The following CEP112 variants were observed in gnomAD, a reference collection of about 807,000 sequenced individuals.
The protein encoded by CEP112 is centrosomal protein of 112 kDa.
In CEP112, 127 loss-of-function variants were observed where a neutral mutation model predicts 153.0. The observed-to-expected ratio is 0.83, with a 90% CI of 0.72 to 0.96. The LOEUF is 0.96. CEP112 is among the 40% of genes least tolerant of loss of function. The pLI is 0.00. For missense variants in CEP112, 1,089 were observed against 1,101.2 expected (o/e 0.99, Z 0.16); for synonymous variants, 358 against 374.4 (o/e 0.96, Z 0.51).
intron 18 of CEP112, among the ~76,000 whole-genome samples, chr17:65,949,791 A>G (rs2061761054): frequency 1.3e-5 from 2 of 152,184 alleles, no homozygotes; most frequent in Admixed American, 6.5e-5. Context: ...ATTCCTGGCT[A>G]TCCTTATCTG....
rs1178890183 is a variant in CEP112 at position 66,129,747 on chromosome 17, C to T, written c.641G>A (p.Gly214Glu). 4 of 1,604,016 alleles carry T rather than the reference C, an allele frequency of 2.5e-6. No homozygotes were observed. The highest frequency in any genetic ancestry group is 3.4e-6 in the Non-Finnish European group (4 of 1,174,454). ...IEARLNSWNLGIENPRYLRQK... is the reference protein window; with the variant it reads ...IEARLNSWNLEIENPRYLRQK... ...CATAAAGCAAATACTTTTTTTTACCCCAAGATTCCAACTATTAAGGCGAGC... is the reference window on the plus strand; with the variant it reads ...CATAAAGCAAATACTTTTTTTTACCTCAAGATTCCAACTATTAAGGCGAGC... Residue 214 changes from glycine to glutamate, a missense_variant and splice_region_variant, in exon 6 of 27, where the codon GGG (glycine) becomes GAG (glutamate). Transcript: ENST00000535342.
At chr17:65,730,526 A>C (rs1201606674) in intron 23 of CEP112, among the ~76,000 whole-genome samples, 1 of 152,218 alleles carries the variant, frequency 6.6e-6, no homozygotes, top group Admixed American at 6.5e-5. Flanking sequence ...TCAGGAGGGC[A>C]CAAAGAAAAT....
In CEP112 at chr17:65,961,777, A is replaced by G. The variant is rs555226584; in HGVS notation, c.1737-179T>C. On this transcript the variant is annotated intron_variant, in intron 17 of 26. Coordinates refer to ENST00000535342, the MANE Select transcript of CEP112 (RefSeq NM_001199165.4). Reference sequence around the variant, plus strand: ...TAATTTGTCTCAAGAGAAAAAGGGTATAAACATATATTGTGTATTCTGATG... The same window carrying G: ...TAATTTGTCTCAAGAGAAAAAGGGTGTAAACATATATTGTGTATTCTGATG... Among the ~76,000 whole-genome samples the G allele has an allele frequency of 2.5e-4, 38 of 152,364 alleles. No homozygotes were observed. In the South Asian group the frequency reaches 7.5e-3, roughly 30 times the overall value.
intron 6 of CEP112, among the ~76,000 whole-genome samples, chr17:66,100,854 A>G (rs968857853): frequency 1.3e-5 from 2 of 152,160 alleles, no homozygotes; most frequent in Non-Finnish European, 2.9e-5. Flanking sequence ...AACTATTTCC[A>G]TATCATTTAT....
intron 20 of CEP112, among the ~76,000 whole-genome samples, chr17:65,881,372 C>T (rs780481831): frequency 2.6e-5 from 4 of 151,822 alleles, no homozygotes; most frequent in East Asian, 3.9e-4. Context: ...AAGTTTTACA[C>T]ATTAACTTCA....
intron 4 of CEP112, among the ~76,000 whole-genome samples, chr17:66,152,239 AG>A (rs1276220949): frequency 6.6e-6 from 1 of 152,164 alleles, no homozygotes; most frequent in Non-Finnish European, 1.5e-5. Context: ...GGGGCTCAAG[AG>A]GAAGTAAGAA....
chr17:66,063,502 G>T (rs1022701801), intron 10 of CEP112, among the ~76,000 whole-genome samples: 1 of 151,948 alleles, frequency 6.6e-6, no homozygotes, highest in African/African-American at 2.4e-5. Flanking sequence ...GAGAAGCAGG[G>T]GGTGGAAAAG....
chr17:65,796,842 T>G (rs1598610945), intron 21 of CEP112, among the ~76,000 whole-genome samples: 1 of 127,516 alleles, frequency 7.8e-6, no homozygotes, highest in Admixed American at 9.4e-5. Context: ...AGAGCAGCCT[T>G]GGCAATATGG....
intron 4 of CEP112, among the ~76,000 whole-genome samples, chr17:66,158,709 GAGGGAAATTTAT>G (rs1484421350): frequency 6.6e-6 from 1 of 152,202 alleles, no homozygotes; most frequent in Non-Finnish European, 1.5e-5. Context: ...GCAGCGTTTA[GAGGGAAATTTAT>G]AGCACCAAAT....
chr17:65,721,166 A>C (rs1212621838), intron 23 of CEP112, among the ~76,000 whole-genome samples: 1 of 152,028 alleles, frequency 6.6e-6, no homozygotes, highest in African/African-American at 2.4e-5. Context: ...GCTCGCTACC[A>C]TGCCTGGCTA....
intron 21 of CEP112, among the ~76,000 whole-genome samples, chr17:65,828,065 T>C (rs992679336): frequency 6.6e-6 from 1 of 152,210 alleles, no homozygotes; most frequent in Non-Finnish European, 1.5e-5. Context: ...GTATCTCTCC[T>C]ACTAGAATGA....
At chr17:65,695,301 ATGGGCTC>A (rs2048302814) in intron 23 of CEP112, among the ~76,000 whole-genome samples, 1 of 152,222 alleles carries the variant, frequency 6.6e-6, no homozygotes, top group South Asian at 2.1e-4. Context: ...GAACATGTTA[ATGGGCTC>A]TTCAGGGTGA....
intron 18 of CEP112, among the ~76,000 whole-genome samples, chr17:65,941,014 C>A (rs2061489679): frequency 6.6e-6 from 1 of 151,814 alleles, no homozygotes; most frequent in Non-Finnish European, 1.5e-5. Flanking sequence ...TAAATATATA[C>A]AATTATGATT....
chr17:66,013,298 G>C (rs2064619426), intron 16 of CEP112, among the ~76,000 whole-genome samples: 1 of 152,176 alleles, frequency 6.6e-6, no homozygotes, highest in African/African-American at 2.4e-5. Flanking sequence ...CTGGCTTTTT[G>C]AGTTGCCAGA....
intron 19 of CEP112, among the ~76,000 whole-genome samples, chr17:65,911,050 C>A (rs73346824): frequency 0.011 from 1,689 of 152,212 alleles, 39 homozygotes; most frequent in African/African-American, 0.038. Context: ...AAATTTTATG[C>A]CCAGCTAAGG....
chr17:65,767,351 A>G (rs2053048523), intron 21 of CEP112, among the ~76,000 whole-genome samples: 3 of 152,118 alleles, frequency 2.0e-5, no homozygotes, highest in Admixed American at 2.0e-4. Flanking sequence ...TAATGAAAAC[A>G]CAACATACCA....
At chr17:65,734,968 G>A (rs1433388199) in intron 23 of CEP112, among the ~76,000 whole-genome samples, 1 of 152,130 alleles carries the variant, frequency 6.6e-6, no homozygotes, top group East Asian at 1.9e-4. Flanking sequence ...AACATCAGGT[G>A]TTTGTCATTT....
Position 66,181,301 on chromosome 17 carries a change from T to C in CEP112, c.106+1893A>G, listed in dbSNP as rs549793765. ...GCCATAGATGTACCAATACTGACAATGTGTCAAGGAATCAAAGATTATAAT... is the reference window on the plus strand; with the variant it reads ...GCCATAGATGTACCAATACTGACAACGTGTCAAGGAATCAAAGATTATAAT... On this transcript the variant is annotated intron_variant, in intron 2 of 26. Transcript: ENST00000535342. 8.8e-4 allele frequency among the ~76,000 whole-genome samples: 134 copies of C among 152,328 alleles called. 1 individual carries two copies. The highest frequency in any genetic ancestry group is 5.0e-3 in the Admixed American group (77 of 15,298).
In CEP112 at chr17:65,746,165, C is replaced by CAAAAAAA. The variant is rs56361589; in HGVS notation, c.2458-2955_2458-2949dup. 3.6e-3 allele frequency among the ~76,000 whole-genome samples: 176 copies of CAAAAAAA among 49,068 alleles called. 1 individual carries two copies. The highest frequency in any genetic ancestry group is 0.015 in the East Asian group (23 of 1,576). The allele number at this position is 49,068 out of a possible 152,430, so 32.2% of individuals were successfully genotyped here. ...GGGCAACAAGGGTAAAACTCCATCT[C>CAAAAAAA]AAAAAAAAAAAAAAAAAAAAAAAGA... On this transcript the variant is annotated intron_variant, in intron 22 of 26. Coordinates refer to ENST00000535342, the MANE Select transcript of CEP112 (RefSeq NM_001199165.4).
Sources: gnomAD v4.1 joint callset for allele counts (sites outside exome capture counted in the v4.1 genomes callset) on GRCh38, gnomAD v4.1.1 for gene constraint, MANE v1.5 for transcripts, NCBI Gene and HGNC (gene_info 2026-07-23, HGNC 2026-07-21) for gene names.